KCNMA1: variants seen among roughly 807,000 people sequenced by gnomAD.
The protein encoded by KCNMA1 is Calcium-activated potassium channel subunit alpha-1.
Under a neutral mutation model 140.0 loss-of-function variants are expected in KCNMA1, and 29 were observed. The observed-to-expected ratio is 0.21, with a 90% CI of 0.15 to 0.28. The LOEUF (loss-of-function observed/expected upper bound fraction) is 0.28. Among genes scored for constraint, KCNMA1 ranks in the 10% least tolerant of loss-of-function variants. The pLI is 1.00. For missense variants in KCNMA1, 880 were observed against 1,602.2 expected (o/e 0.55, Z 7.70); for synonymous variants, 612 against 611.9 (o/e 1.00, Z 0.00).
intron 20 of KCNMA1, among the ~76,000 whole-genome samples, chr10:76,962,221 C>T (rs548268092): frequency 2.6e-5 from 4 of 152,316 alleles, no homozygotes; most frequent in East Asian, 1.9e-4. Flanking sequence ...CTGGGTTCAA[C>T]GCTGGACTTC....
rs34554451 is a variant in KCNMA1, at chr10:77,038,569, A to C, written c.1859+959T>G. 3.7e-3 allele frequency among the ~76,000 whole-genome samples: 563 copies of C among 152,226 alleles called. 6 individuals carry two copies. The highest frequency in any genetic ancestry group is 8.9e-3 in the Admixed American group (136 of 15,288). ...TTTATTATTATTATTTTAGAGATACAATCACTGCTATCCAGGCTGGAATGC... is the reference window on the plus strand; with the variant it reads ...TTTATTATTATTATTTTAGAGATACCATCACTGCTATCCAGGCTGGAATGC... On this transcript the variant is annotated intron_variant, in intron 15 of 27. Transcript: ENST00000286628.
chr10:76,877,465 A>G (rs904190600), downstream of KCNMA1: 20 of 168,290 alleles, frequency 1.2e-4, no homozygotes, highest in Admixed American at 1.2e-3. Context: ...GAAAAAATAT[A>G]TTTTCTTTCT....
At position 77,108,758 on chromosome 10, in the gene KCNMA1, GACAA is replaced by G. The variant is rs2097252942; in HGVS notation, c.1132-190_1132-187del. 6.6e-6 allele frequency among the ~76,000 whole-genome samples: 1 copy of G among 151,928 alleles called. No individual in the cohort carries two copies. Among genetic ancestry groups the G allele is most frequent in the Non-Finnish European group, 1.5e-5 (1 of 67,990 alleles). Reference sequence around the variant, plus strand: ...AGAGCAAGCTCCCAGAAATACACAAGACAAACAAACATTGGCCACCTTGACAACT... The same window carrying G: ...AGAGCAAGCTCCCAGAAATACACAAGACAAACATTGGCCACCTTGACAACT... On this transcript the variant is annotated intron_variant, in intron 8 of 27. Coordinates refer to ENST00000286628, the MANE Select transcript of KCNMA1 (RefSeq NM_001161352.2). The surrounding 1 kb of genome is among the most constrained non-coding windows in gnomAD (Gnocchi z 4.6).
intron 2 of KCNMA1, among the ~76,000 whole-genome samples, chr10:77,386,655 T>C (rs190203456): frequency 4.3e-4 from 66 of 152,318 alleles, no homozygotes; most frequent in Admixed American, 2.9e-3. Flanking sequence ...TATTTATCTT[T>C]CCTATTTGAA....
intron 3 of KCNMA1, among the ~76,000 whole-genome samples, chr10:77,187,498 A>G (rs1347702552): frequency 6.6e-6 from 1 of 152,252 alleles, no homozygotes; most frequent in Non-Finnish European, 1.5e-5. Context: ...CAAAAAATTT[A>G]GAACCGATTT....
chr10:77,155,591 G>A (rs1046570428), intron 5 of KCNMA1, among the ~76,000 whole-genome samples: 1 of 152,102 alleles, frequency 6.6e-6, no homozygotes, highest in African/African-American at 2.4e-5. Context: ...CCTCTCCCAT[G>A]CTGCCCCCGA....
chr10:77,058,264 CAAAGCA>C (rs1259160660), intron 14 of KCNMA1, among the ~76,000 whole-genome samples: 2 of 151,930 alleles, frequency 1.3e-5, no homozygotes, highest in Non-Finnish European at 2.9e-5. Context: ...CAAACACACA[CAAAGCA>C]AAACCTGACG....
intron 16 of KCNMA1, among the ~76,000 whole-genome samples, chr10:77,022,647 A>G (rs2092991548): frequency 6.6e-6 from 1 of 152,234 alleles, no homozygotes; most frequent in Non-Finnish European, 1.5e-5. Context: ...TTCCTGGAGT[A>G]GCAGGCTTAG....
chr10:77,577,836 C>T (rs923732573), intron 1 of KCNMA1, among the ~76,000 whole-genome samples: 3 of 152,182 alleles, frequency 2.0e-5, no homozygotes, highest in Non-Finnish European at 2.9e-5. Flanking sequence ...GCTTTGGTGC[C>T]TAAACTGAAT....
At chr10:77,532,488 T>C (rs1222994710) in intron 1 of KCNMA1, among the ~76,000 whole-genome samples, 3 of 152,008 alleles carry the variant, frequency 2.0e-5, no homozygotes, top group East Asian at 3.9e-4. Context: ...GGAGGTAGGG[T>C]TGGTTTATTT....
At chr10:77,037,525 C>A (rs1198925227) in intron 15 of KCNMA1, among the ~76,000 whole-genome samples, 1 of 152,104 alleles carries the variant, frequency 6.6e-6, no homozygotes, top group Non-Finnish European at 1.5e-5. Context: ...TCAAGTTACC[C>A]ATAAGAGGAA....
At chr10:77,573,449 A>T (rs1371757887) in intron 1 of KCNMA1, among the ~76,000 whole-genome samples, 1 of 152,166 alleles carries the variant, frequency 6.6e-6, no homozygotes, top group Non-Finnish European at 1.5e-5. Flanking sequence ...ATTTGGCCTC[A>T]GATTTGTGAC....
intron 22 of KCNMA1, among the ~76,000 whole-genome samples, chr10:76,948,649 G>A (rs890207524): frequency 6.6e-6 from 1 of 152,138 alleles, no homozygotes; most frequent in South Asian, 2.1e-4. Flanking sequence ...ATGAACAGGG[G>A]TTGGGGCTGA....
chr10:77,429,815 TATATG>T (rs1337620421), intron 1 of KCNMA1, among the ~76,000 whole-genome samples: 1 of 152,152 alleles, frequency 6.6e-6, no homozygotes, highest in African/African-American at 2.4e-5. Context: ...TATATGTATA[TATATG>T]ATATATCAGG....
chr10:76,912,843 C>T (rs1242395000), intron 24 of KCNMA1: 1 of 152,164 alleles, frequency 6.6e-6, no homozygotes, highest in Non-Finnish European at 1.5e-5. Flanking sequence ...ACCACATGAG[C>T]CCTGGGTCTC....
chr10:77,505,208 G>C (rs2045396751), intron 1 of KCNMA1, among the ~76,000 whole-genome samples: 1 of 152,232 alleles, frequency 6.6e-6, no homozygotes, highest in Non-Finnish European at 1.5e-5. Flanking sequence ...TGGGTAGCAA[G>C]TTTCTCACCA....
chr10:76,963,099 C>T (rs753796597), intron 20 of KCNMA1, among the ~76,000 whole-genome samples: 3 of 152,192 alleles, frequency 2.0e-5, no homozygotes, highest in African/African-American at 7.2e-5. Context: ...AACTAATCAG[C>T]AGGGAGGACT....
At chr10:77,373,192 T>C (rs890801452) in intron 2 of KCNMA1, among the ~76,000 whole-genome samples, 4 of 152,224 alleles carry the variant, frequency 2.6e-5, no homozygotes, top group Admixed American at 2.6e-4. Flanking sequence ...GCCATCTTGT[T>C]GGTTTCCTCA....
chr10:77,354,252 C>G (rs1319247218), intron 2 of KCNMA1, among the ~76,000 whole-genome samples: 1 of 152,202 alleles, frequency 6.6e-6, no homozygotes, highest in African/African-American at 2.4e-5. Flanking sequence ...CTCAGCATCC[C>G]AAAGTGCTGA....
Sources: gnomAD v4.1 joint callset for allele counts (sites outside exome capture counted in the v4.1 genomes callset) on GRCh38, gnomAD v4.1.1 for gene constraint, Gnocchi (gnomAD v3.1) non-coding constraint, MANE v1.5 for transcripts, NCBI Gene and HGNC (gene_info 2026-07-23, HGNC 2026-07-21) for gene names.